CDH13: variants seen among roughly 807,000 people sequenced by gnomAD.
CDH13 encodes cadherin 13.
In CDH13, 24 loss-of-function variants were observed where a neutral mutation model predicts 63.8. The observed-to-expected ratio is 0.38, with a 90% CI of 0.27 to 0.53. The LOEUF (loss-of-function observed/expected upper bound fraction) is 0.53, where lower values mean the gene tolerates loss of function less well. CDH13 is among the 20% of genes least tolerant of loss of function. CDH13 has a pLI of 0.85. For synonymous variants in CDH13, 503 were observed against 355.3 expected (o/e 1.42, Z -4.67); for missense variants, 1,049 against 903.1 (o/e 1.16, Z -2.07).
chr16:83,625,033 A>G (rs980453706), intron 8 of CDH13, among the ~76,000 whole-genome samples: 2 of 152,142 alleles, frequency 1.3e-5, no homozygotes, highest in Admixed American at 1.3e-4. Flanking sequence ...CATGGGGGGA[A>G]TATTTAAGCA....
intron 4 of CDH13, among the ~76,000 whole-genome samples, chr16:83,132,438 C>A (rs561445346): frequency 1.6e-4 from 16 of 102,150 alleles, no homozygotes; most frequent in Non-Finnish European, 2.9e-4. Flanking sequence ...CCCACCCACC[C>A]CCCAACACCC....
At chr16:83,768,694 T>C (rs825249) in intron 11 of CDH13, among the ~76,000 whole-genome samples, 126,626 of 152,172 alleles carry the variant, frequency 0.83, 52,741 homozygotes, top group African/African-American at 0.88. Flanking sequence ...ATTATTCATG[T>C]CTCCCCTTTT....
intron 1 of CDH13, among the ~76,000 whole-genome samples, chr16:82,814,974 C>G (rs1344697058): frequency 2.0e-5 from 3 of 152,254 alleles, no homozygotes; most frequent in South Asian, 4.1e-4. Context: ...GGTGTCAAAA[C>G]TGTTGAGTGG....
At chr16:83,369,857 T>C (rs987552883) in intron 6 of CDH13, among the ~76,000 whole-genome samples, 1 of 152,186 alleles carries the variant, frequency 6.6e-6, no homozygotes, top group African/African-American at 2.4e-5. Flanking sequence ...TTTGTATTCA[T>C]GACACATATG....
chr16:83,198,322 T>TACAC (rs10547222), intron 4 of CDH13, among the ~76,000 whole-genome samples: 9,760 of 144,564 alleles, frequency 0.068, 341 homozygotes, highest in Non-Finnish European at 0.081. Flanking sequence ...CACACACATG[T>TACAC]ACACACACAC....
intron 3 of CDH13, among the ~76,000 whole-genome samples, chr16:83,073,665 C>A (rs1007843994): frequency 6.6e-6 from 1 of 151,904 alleles, no homozygotes; most frequent in African/African-American, 2.4e-5. Context: ...GAAAATGTGG[C>A]CTGCTTAGTC....
intron 6 of CDH13, among the ~76,000 whole-genome samples, chr16:83,379,035 A>G (rs964515955): frequency 1.3e-5 from 2 of 151,896 alleles, no homozygotes; most frequent in African/African-American, 2.4e-5. Flanking sequence ...ACGTGTGTGT[A>G]TAACATATGC....
At chr16:83,651,492 G>C (rs542944165) in intron 8 of CDH13, among the ~76,000 whole-genome samples, 87 of 151,830 alleles carry the variant, frequency 5.7e-4, no homozygotes, top group African/African-American at 2.0e-3. Flanking sequence ...GACACGGAGA[G>C]GTTAAATGAC....
intron 2 of CDH13, among the ~76,000 whole-genome samples, chr16:82,996,617 G>A (rs1375905268): frequency 1.3e-5 from 2 of 152,158 alleles, no homozygotes; most frequent in East Asian, 1.9e-4. Context: ...CGCCTTATAA[G>A]GGGGCAATGT....
At chr16:83,136,582 T>A (rs1189462298) in intron 4 of CDH13, among the ~76,000 whole-genome samples, 1 of 149,186 alleles carries the variant, frequency 6.7e-6, no homozygotes, top group African/African-American at 2.5e-5. Flanking sequence ...TAGCTCACCA[T>A]CCCCCTCATT....
chr16:83,349,506 G>T (rs1183456435), intron 6 of CDH13, among the ~76,000 whole-genome samples: 1 of 152,078 alleles, frequency 6.6e-6, no homozygotes, highest in Non-Finnish European at 1.5e-5. Context: ...GCCTGCCTGT[G>T]GTTTGCTTGA....
intron 7 of CDH13, among the ~76,000 whole-genome samples, chr16:83,505,153 G>T (rs1257413094): frequency 2.6e-5 from 4 of 152,158 alleles, no homozygotes; most frequent in Non-Finnish European, 5.9e-5. Context: ...TGAATTTGGT[G>T]CTCTTATTTC....
At chr16:83,324,175 G>C (rs1318429354) in intron 5 of CDH13, among the ~76,000 whole-genome samples, 3 of 151,902 alleles carry the variant, frequency 2.0e-5, no homozygotes, top group South Asian at 2.1e-4. Flanking sequence ...TATCTGCGAT[G>C]ACAGGCACCT....
At chr16:82,970,473 C>A (rs1460082454) in intron 2 of CDH13, among the ~76,000 whole-genome samples, 1 of 113,042 alleles carries the variant, frequency 8.8e-6, no homozygotes, top group Non-Finnish European at 2.1e-5. Flanking sequence ...AATCTCGGCT[C>A]ACTGCAAGCT....
chr16:82,864,992 G>C (rs1228016071), intron 2 of CDH13, among the ~76,000 whole-genome samples: 1 of 152,144 alleles, frequency 6.6e-6, no homozygotes, highest in Non-Finnish European at 1.5e-5. Context: ...CCCCACGCAA[G>C]TCCAAAATCC....
intron 8 of CDH13, among the ~76,000 whole-genome samples, chr16:83,624,345 C>A (rs1006591245): frequency 6.6e-6 from 1 of 151,664 alleles, no homozygotes; most frequent in African/African-American, 2.4e-5. Flanking sequence ...AACGCCCCCA[C>A]CCCTGCCCCA....
At chr16:83,525,036 A>G (rs1488881535) in intron 7 of CDH13, among the ~76,000 whole-genome samples, 2 of 152,130 alleles carry the variant, frequency 1.3e-5, no homozygotes, top group East Asian at 3.9e-4. Flanking sequence ...TTTTCTCTGT[A>G]AGGAGAAGTT....
At chr16:83,034,001 G>T (rs537620335) in intron 3 of CDH13, among the ~76,000 whole-genome samples, 88 of 152,204 alleles carry the variant, frequency 5.8e-4, no homozygotes, top group African/African-American at 2.0e-3. Context: ...GCGAGTGTGG[G>T]TCACACAGCT....
At chr16:83,688,774 C>A (rs990725245) in intron 10 of CDH13, among the ~76,000 whole-genome samples, 9 of 152,186 alleles carry the variant, frequency 5.9e-5, no homozygotes, top group African/African-American at 2.2e-4. Context: ...ATTGCCTATT[C>A]TGCTGTGGAA....
Sources: gnomAD v4.1 joint callset for allele counts (sites outside exome capture counted in the v4.1 genomes callset) on GRCh38, gnomAD v4.1.1 for gene constraint, MANE v1.5 for transcripts, NCBI Gene and HGNC (gene_info 2026-07-23, HGNC 2026-07-21) for gene names.